Variants in PLD1 observed in about 807,000 individuals in gnomAD.
The protein encoded by PLD1 is choline phosphatase 1.
PLD1 carries 112 observed loss-of-function variants against 137.1 expected under a neutral mutation model. That is an observed-to-expected ratio of 0.82 (90% confidence interval 0.70 to 0.96). PLD1 has a LOEUF of 0.96. Ranked by LOEUF, PLD1 falls within the 40% of genes least tolerant of loss-of-function variation. The pLI, the probability that PLD1 is intolerant of heterozygous loss-of-function variation, is 0.00. For synonymous variants in PLD1, 431 were observed against 454.7 expected (o/e 0.95, Z 0.66); for missense variants, 1,321 against 1,342.0 (o/e 0.98, Z 0.24).
At chr3:171,759,636 C>T (rs990127296) in intron 1 of PLD1, among the ~76,000 whole-genome samples, 3 of 152,172 alleles carry the variant, frequency 2.0e-5, no homozygotes, top group African/African-American at 7.2e-5. Flanking sequence ...CTAGAGAATT[C>T]CATTCCTGAA....
rs1266830433 is a variant in PLD1 at position 171,601,874 on chromosome 3, A to C, written c.*1204T>G. Reference sequence around the variant, plus strand: ...GTACTCTAACATCCGAAAAGGAAAAACACGTTTCCAGACTAATTCACAGAC... The same window carrying C: ...GTACTCTAACATCCGAAAAGGAAAACCACGTTTCCAGACTAATTCACAGAC... On this transcript the variant is annotated 3_prime_UTR_variant, in exon 27 of 27. Coordinates refer to ENST00000351298, the MANE Select transcript of PLD1 (RefSeq NM_002662.5). The C allele has an allele frequency of 6.6e-6, 1 of 152,190 alleles. No homozygotes were observed. The highest frequency in any genetic ancestry group is 6.6e-5 in the Admixed American group (1 of 15,266). 9.4% of individuals were successfully genotyped at this position (152,190 alleles called of 1,614,324 possible).
At chr3:171,749,527 T>C (rs1390187587) in intron 1 of PLD1, among the ~76,000 whole-genome samples, 1 of 152,184 alleles carries the variant, frequency 6.6e-6, no homozygotes, top group Non-Finnish European at 1.5e-5. Flanking sequence ...GTAATTGAGG[T>C]AGTGCTTTTA....
chr3:171,787,986 C>T (rs1245616417), intron 1 of PLD1, among the ~76,000 whole-genome samples: 2 of 151,974 alleles, frequency 1.3e-5, no homozygotes, highest in Non-Finnish European at 2.9e-5. Context: ...GCTGGTGGAT[C>T]ACCTGGGATC....
intron 19 of PLD1, among the ~76,000 whole-genome samples, chr3:171,673,800 G>A (rs1237901810): frequency 1.3e-5 from 2 of 152,124 alleles, no homozygotes; most frequent in East Asian, 1.9e-4. Context: ...TTCTTCTGAT[G>A]CCCATATTGA....
At chr3:171,737,464 T>G in intron 3 of PLD1, 68 bp downstream of exon 3, 3 of 1,330,260 alleles carry the variant, frequency 2.3e-6, no homozygotes, top group Non-Finnish European at 2.1e-6. Context: ...GGGAGGAAAA[T>G]GAAAGGCTAT....
chr3:171,609,666 G>A (rs572530815), intron 25 of PLD1, among the ~76,000 whole-genome samples: 45 of 152,184 alleles, frequency 3.0e-4, no homozygotes, highest in South Asian at 2.3e-3. Flanking sequence ...TAAATACTGC[G>A]TGTTCTCACT....
intron 13 of PLD1, among the ~76,000 whole-genome samples, chr3:171,689,651 C>T (rs1473345509): frequency 1.3e-5 from 2 of 152,108 alleles, no homozygotes; most frequent in Non-Finnish European, 2.9e-5. Context: ...TAGGCGTGTA[C>T]CACCATGCCT....
intron 21 of PLD1, among the ~76,000 whole-genome samples, chr3:171,645,525 T>C (rs542012333): frequency 6.6e-6 from 1 of 152,182 alleles, no homozygotes; most frequent in East Asian, 1.9e-4. Context: ...AAAACAGAAG[T>C]CATCATTATC....
At chr3:171,672,627 G>A (rs566805230) in intron 19 of PLD1, among the ~76,000 whole-genome samples, 201 of 151,860 alleles carry the variant, frequency 1.3e-3, no homozygotes, top group African/African-American at 4.7e-3. Flanking sequence ...GGCTGGGACC[G>A]CAAGCATGTG....
At chr3:171,639,572 T>G (rs567392908) in intron 23 of PLD1, among the ~76,000 whole-genome samples, 145 of 90,290 alleles carry the variant, frequency 1.6e-3, no homozygotes, top group African/African-American at 4.5e-3. Flanking sequence ...ATATTATATA[T>G]AATATATATT....
At chr3:171,778,970 T>C (rs1183122516) in intron 1 of PLD1, among the ~76,000 whole-genome samples, 1 of 152,074 alleles carries the variant, frequency 6.6e-6, no homozygotes, top group Non-Finnish European at 1.5e-5. Flanking sequence ...GGTGGATCAC[T>C]TGAGGTCAGG....
chr3:171,784,995 G>C (rs1363199348), intron 1 of PLD1, among the ~76,000 whole-genome samples: 1 of 152,188 alleles, frequency 6.6e-6, no homozygotes, highest in Non-Finnish European at 1.5e-5. Flanking sequence ...GTTAAATACA[G>C]TGTTAGGTGC....
At chr3:171,645,875 C>T (rs1468028575) in intron 21 of PLD1, among the ~76,000 whole-genome samples, 3 of 119,372 alleles carry the variant, frequency 2.5e-5, no homozygotes, top group Non-Finnish European at 1.6e-5. Context: ...CAGAGCGAGA[C>T]TCCATCTCAA....
chr3:171,764,874 A>AGGAAGGAAG (rs1491189380), intron 1 of PLD1, among the ~76,000 whole-genome samples: 6 of 23,784 alleles, frequency 2.5e-4, no homozygotes, highest in Non-Finnish European at 2.8e-4. Flanking sequence ...AAAGAAAGAA[A>AGGAAGGAAG]GAAAGAAAGA....
intron 1 of PLD1, among the ~76,000 whole-genome samples, chr3:171,758,609 C>CAT (rs1015595544): frequency 3.2e-4 from 49 of 152,316 alleles, no homozygotes; most frequent in African/African-American, 1.2e-3. Context: ...CCAAGTGAGC[C>CAT]ATATGCATAT....
intron 23 of PLD1, among the ~76,000 whole-genome samples, chr3:171,639,848 C>CTCTCTCTCTCTCTATA (rs3050415): frequency 9.1e-6 from 1 of 110,214 alleles, no homozygotes; most frequent in African/African-American, 3.9e-5. Context: ...CTCTCTCTCT[C>CTCTCTCTCTCTCTATA]TATATATATA....
intron 17 of PLD1, among the ~76,000 whole-genome samples, chr3:171,677,102 T>C (rs1456005091): frequency 1.3e-5 from 2 of 152,234 alleles, no homozygotes; most frequent in Non-Finnish European, 2.9e-5. Context: ...TGGTACAAAT[T>C]ATCTAAGGCT....
At chr3:171,606,450 A>G (rs1426410041) in intron 25 of PLD1, among the ~76,000 whole-genome samples, 3 of 152,190 alleles carry the variant, frequency 2.0e-5, no homozygotes, top group African/African-American at 7.2e-5. Flanking sequence ...ACATGCTCAT[A>G]GGCTGAATGT....
chr3:171,768,884 G>C (rs1359331522), intron 1 of PLD1, among the ~76,000 whole-genome samples: 1 of 152,204 alleles, frequency 6.6e-6, no homozygotes, highest in Non-Finnish European at 1.5e-5. Flanking sequence ...CTTAAAATTA[G>C]ATGGTATGTT....
Sources: allele counts gnomAD v4.1 joint callset (sites outside exome capture counted in the v4.1 genomes callset), GRCh38; gene constraint gnomAD v4.1.1; transcripts MANE v1.5; gene names NCBI Gene and HGNC (gene_info 2026-07-23, HGNC 2026-07-21).